Variants in POLR2B observed in about 807,000 individuals in gnomAD.
POLR2B encodes RNA polymerase II subunit B, also known as DNA-directed RNA polymerase II subunit RPB2.
POLR2B carries 57 observed loss-of-function variants against 144.6 expected under a neutral mutation model. The observed-to-expected ratio is 0.39, with a 90% CI of 0.32 to 0.49. POLR2B has a LOEUF of 0.49. Ranked by LOEUF, POLR2B falls within the 20% of genes least tolerant of loss-of-function variation. The probability of loss-of-function intolerance (pLI) is 0.83; values close to 1 mark genes in which losing one functional copy is unlikely to be tolerated. For missense variants in POLR2B, 595 were observed against 1,467.4 expected, an observed-to-expected ratio of 0.41 and a Z score of 9.71; for synonymous variants, 442 against 469.8, an observed-to-expected ratio of 0.94 and a Z score of 0.77.
At chr4:57,019,432 T>G (rs1723468962) in intron 16 of POLR2B, among the ~76,000 whole-genome samples, 1 of 152,024 alleles carries the variant, frequency 6.6e-6, no homozygotes, top group Non-Finnish European at 1.5e-5. Flanking sequence ...CTCAAACTTC[T>G]GGGCTCAAGT....
At position 57,015,523 on chromosome 4, in the gene POLR2B, C is replaced by T. The variant is rs1723337209; in HGVS notation, c.1822C>T (p.Arg608Ter). The change falls in exon 14 of 25, where the codon CGA becomes TGA. Residue 608 changes from arginine (R) to a stop codon, truncating the protein, a stop_gained. Transcript: ENST00000314595. LOFTEE classifies it high-confidence loss of function. Reference protein sequence around the residue: ...VSEVSMIRDIREREIRIYTDA... With the variant: ...VSEVSMIRDI The stretch of plus-strand genomic sequence containing the variant: ...GTAGGTTTCTATGATCAGAGATATT[C>T]GAGAGAGGGAGATTCGGATCTATAC... 2.1e-6 allele frequency: 3 copies of T among 1,402,116 alleles called. No homozygotes were observed. Among genetic ancestry groups the T allele is most frequent in the South Asian group, 1.9e-5 (1 of 53,224 alleles). The allele number at this position is 1,402,116 out of a possible 1,614,324, so 86.9% of individuals were successfully genotyped here.
chr4:57,014,730 T>G (rs1578583807), intron 13 of POLR2B, among the ~76,000 whole-genome samples: 1 of 144,982 alleles, frequency 6.9e-6, no homozygotes, highest in East Asian at 2.1e-4. Flanking sequence ...GGTCTCGATC[T>G]CCTGACCTCG....
chr4:57,007,706 T>C (rs1215137860), intron 10 of POLR2B, among the ~76,000 whole-genome samples: 2 of 152,220 alleles, frequency 1.3e-5, no homozygotes, highest in Non-Finnish European at 2.9e-5. Context: ...GTCTGTTGCA[T>C]ATATAATGAC....
At chr4:57,025,349 T>C (rs1723680001) in intron 22 of POLR2B, 28 bp from the exon 23 acceptor site, 4 of 1,578,888 alleles carry the variant, frequency 2.5e-6, no homozygotes, top group Non-Finnish European at 3.5e-6. Flanking sequence ...TTTTTAGGTC[T>C]ACACTTCAAA....
intron 24 of POLR2B, 89 bp from the exon 25 acceptor site, chr4:57,030,810 C>T (rs1223315951): frequency 1.1e-5 from 8 of 751,836 alleles, no homozygotes; most frequent in East Asian, 7.5e-5. Flanking sequence ...TCATTATCTA[C>T]AGTACCAGAT....
chr4:57,014,504 C>CTT lies in POLR2B; in HGVS notation c.1801-983_1801-982dup, dbSNP rs773847681. 6.5e-3 allele frequency among the ~76,000 whole-genome samples: 432 copies of CTT among 66,666 alleles called. 3 individuals carry two copies. The highest frequency in any genetic ancestry group is 0.056 in the East Asian group (115 of 2,068). 43.7% of individuals were successfully genotyped at this position (66,666 alleles called of 152,430 possible). Reference sequence around the variant, plus strand: ...GCCACCGTGCCTGGTCTTTTTTTTTCTTTTTTTTTTTTTTTTGAGACGGAG... The same window carrying CTT: ...GCCACCGTGCCTGGTCTTTTTTTTTCTTTTTTTTTTTTTTTTTTGAGACGGAG... On this transcript the variant is annotated intron_variant, in intron 13 of 24. Coordinates refer to ENST00000314595, the MANE Select transcript of POLR2B (RefSeq NM_000938.3).
At chr4:56,990,955 G>T in intron 3 of POLR2B, 57 bp downstream of exon 3, 1 of 1,466,558 alleles carries the variant, frequency 6.8e-7, no homozygotes. Flanking sequence ...TGAAATTTTA[G>T]CCCTTCTCTT....
chr4:56,987,322 G>T (rs534287213), intron 2 of POLR2B, among the ~76,000 whole-genome samples: 1 of 152,304 alleles, frequency 6.6e-6, no homozygotes, highest in African/African-American at 2.4e-5. Flanking sequence ...AAAATTACGA[G>T]AAGCCTTGTA....
At chr4:57,007,970 T>C (rs1380133405) in intron 10 of POLR2B, among the ~76,000 whole-genome samples, 4 of 152,228 alleles carry the variant, frequency 2.6e-5, no homozygotes, top group Non-Finnish European at 5.9e-5. Context: ...TAAGAAATTT[T>C]GAGGGGCTAC....
chr4:56,983,726 T>G (rs1722230964), intron 1 of POLR2B, among the ~76,000 whole-genome samples: 1 of 152,116 alleles, frequency 6.6e-6, no homozygotes, highest in Admixed American at 6.5e-5. Flanking sequence ...CAGGCTGGTC[T>G]CGAACTCCTG....
chr4:56,993,041 T>C (rs1179820019), intron 3 of POLR2B, among the ~76,000 whole-genome samples: 1 of 152,034 alleles, frequency 6.6e-6, no homozygotes, highest in Non-Finnish European at 1.5e-5. Flanking sequence ...TGGTGGCTCA[T>C]GCCTGTAATC....
At chr4:57,015,479 CTG>C in intron 13 of POLR2B, 21 bp from the exon 14 acceptor site, 1 of 1,281,932 alleles carries the variant, frequency 7.8e-7, no homozygotes, top group Non-Finnish European at 1.0e-6. Flanking sequence ...ATTTGTGGAA[CTG>C]TTTTTTCTTT....
At chr4:56,979,612 T>C (rs1037898078) in intron 1 of POLR2B, among the ~76,000 whole-genome samples, 5 of 152,178 alleles carry the variant, frequency 3.3e-5, no homozygotes, top group African/African-American at 1.2e-4. Context: ...AATACCTGTT[T>C]GTTTGCGCAT....
intron 13 of POLR2B, among the ~76,000 whole-genome samples, chr4:57,011,693 C>T (rs566918156): frequency 5.5e-4 from 83 of 151,758 alleles, no homozygotes; most frequent in Middle Eastern, 3.4e-3. Context: ...CGTGGTGGCG[C>T]GCGCCTGTAG....
At chr4:56,999,234 CTCT>C (rs1722781449) in intron 6 of POLR2B, among the ~76,000 whole-genome samples, 23 of 119,984 alleles carry the variant, frequency 1.9e-4, no homozygotes, top group Non-Finnish European at 3.7e-4. Context: ...TTTTTTACCT[CTCT>C]TCTATTTCTT....
chr4:57,029,870 A>G (rs1386159733), intron 23 of POLR2B, among the ~76,000 whole-genome samples: 3 of 152,122 alleles, frequency 2.0e-5, no homozygotes, highest in Non-Finnish European at 4.4e-5. Context: ...CCATTTGGGG[A>G]CCTTCTGTTT....
At chr4:57,001,029 T>C (rs892984907) in intron 7 of POLR2B, among the ~76,000 whole-genome samples, 2 of 152,204 alleles carry the variant, frequency 1.3e-5, no homozygotes, top group Non-Finnish European at 1.5e-5. Context: ...CCTGATAATA[T>C]TGAAAACTAT....
At chr4:57,030,076 T>A (rs1450582755) in intron 23 of POLR2B, 128 bp from the exon 24 acceptor site, 2 of 747,462 alleles carry the variant, frequency 2.7e-6, no homozygotes, top group African/African-American at 3.6e-5. Flanking sequence ...ATAGAGAGAA[T>A]GCTAGGGTAT....
chr4:57,014,346 A>G (rs936205793), intron 13 of POLR2B, among the ~76,000 whole-genome samples: 6 of 150,666 alleles, frequency 4.0e-5, no homozygotes, highest in Non-Finnish European at 8.8e-5. Context: ...GGCGCACACC[A>G]CCACGCCCAG....
Sources: allele counts gnomAD v4.1 joint callset (sites outside exome capture counted in the v4.1 genomes callset), GRCh38; gene constraint gnomAD v4.1.1; transcripts MANE v1.5; gene names NCBI Gene and HGNC (gene_info 2026-07-23, HGNC 2026-07-21).